SLC35F4: variants seen among roughly 807,000 people sequenced by gnomAD.
SLC35F4 encodes the protein solute carrier family 35 member F4, also known as chromosome 14 open reading frame 36.
A neutral mutation model predicts 44.2 loss-of-function variants in SLC35F4; 24 were observed. That is an observed-to-expected ratio of 0.54 (90% CI 0.39 to 0.76). The LOEUF (loss-of-function observed/expected upper bound fraction) is 0.76. SLC35F4 is among the 30% of genes least tolerant of loss of function. The pLI is 0.00. For synonymous variants in SLC35F4, 238 were observed against 223.6 expected (o/e 1.06, Z -0.57); for missense variants, 562 against 586.1 (o/e 0.96, Z 0.42).
chr14:57,769,602 T>A (rs1258667963), intron 1 of SLC35F4, among the ~76,000 whole-genome samples: 1 of 152,142 alleles, frequency 6.6e-6, no homozygotes, highest in African/African-American at 2.4e-5. Flanking sequence ...CTAGTAAAAA[T>A]TATCATCTCT....
At chr14:57,624,533 A>G (rs947972238) in intron 1 of SLC35F4, among the ~76,000 whole-genome samples, 2 of 152,206 alleles carry the variant, frequency 1.3e-5, no homozygotes, top group Non-Finnish European at 2.9e-5. Context: ...ATTCCTGATG[A>G]ACATTGATGT....
At chr14:57,781,375 C>T (rs2077616810) in intron 1 of SLC35F4, among the ~76,000 whole-genome samples, 1 of 152,104 alleles carries the variant, frequency 6.6e-6, no homozygotes, top group African/African-American at 2.4e-5. Flanking sequence ...TACCATCTCA[C>T]ACCACTAAAA....
At chr14:57,965,396 G>C (rs990974035) in intron 1 of SLC35F4, among the ~76,000 whole-genome samples, 2 of 152,064 alleles carry the variant, frequency 1.3e-5, no homozygotes, top group African/African-American at 4.8e-5. Flanking sequence ...CACCCACCCA[G>C]ATAACCCAGG....
In SLC35F4 at chr14:57,593,828, G is replaced by T; in HGVS notation, c.289+111C>A. On this transcript the variant is annotated intron_variant, in intron 2 of 7. Coordinates refer to ENST00000556826, the MANE Select transcript of SLC35F4 (RefSeq NM_001306087.2). ...CCGGCTTGATAAAGCTTCCCCACAT[G>T]TACTCATAAGAGTCCGTGTAACATC... is the stretch of plus-strand genomic sequence containing the variant. 7 of 1,171,504 alleles carry T rather than the reference G, an allele frequency of 6.0e-6. No individual in the cohort carries two copies. In the South Asian group the frequency reaches 1.1e-4, roughly 18 times the overall value. The allele number at this position is 1,171,504 out of a possible 1,614,324, so 72.6% of individuals were successfully genotyped here. A position where few individuals can be genotyped will look rare whatever the true frequency, so the allele number is the denominator to read the frequency against.
At chr14:57,701,530 G>T (rs1472694763) in intron 1 of SLC35F4, among the ~76,000 whole-genome samples, 1 of 152,064 alleles carries the variant, frequency 6.6e-6, no homozygotes, top group Non-Finnish European at 1.5e-5. Context: ...ACAGCTGGCG[G>T]CATAGTAGGT....
chr14:57,775,915 AC>A (rs1166834123), intron 1 of SLC35F4, among the ~76,000 whole-genome samples: 2 of 152,240 alleles, frequency 1.3e-5, no homozygotes, highest in African/African-American at 4.8e-5. Context: ...ATAAAATGAT[AC>A]AGAATCTTAC....
At chr14:57,585,332 G>T (rs34784901) in intron 3 of SLC35F4, among the ~76,000 whole-genome samples, 2 of 151,854 alleles carry the variant, frequency 1.3e-5, no homozygotes, top group Non-Finnish European at 1.5e-5. Flanking sequence ...TGGATGGAAC[G>T]TATCTATCTC....
At chr14:57,804,297 G>C (rs1881029453) in intron 1 of SLC35F4, among the ~76,000 whole-genome samples, 1 of 152,102 alleles carries the variant, frequency 6.6e-6, no homozygotes, top group African/African-American at 2.4e-5. Flanking sequence ...AACCAAAAAA[G>C]AGCCTGAATA....
chr14:57,712,686 A>G (rs2075843679), intron 1 of SLC35F4, among the ~76,000 whole-genome samples: 1 of 152,244 alleles, frequency 6.6e-6, no homozygotes, highest in African/African-American at 2.4e-5. Context: ...ATAGATTTTT[A>G]AAAGTAGAAA....
chr14:57,973,882 C>T (rs563350293), downstream of SLC35F4, among the ~76,000 whole-genome samples: 1 of 152,064 alleles, frequency 6.6e-6, no homozygotes, highest in East Asian at 1.9e-4. Flanking sequence ...GTATATACTC[C>T]CTGAAGCCCA....
chr14:57,884,590 C>T (rs1888608582), intron 1 of SLC35F4, among the ~76,000 whole-genome samples: 1 of 152,132 alleles, frequency 6.6e-6, no homozygotes, highest in African/African-American at 2.4e-5. Flanking sequence ...ATGTATTACA[C>T]ACCTCATGCC....
At chr14:57,566,606 T>C (rs745471951) in intron 6 of SLC35F4, 42 bp from the exon 7 acceptor site, 2 of 1,531,062 alleles carry the variant, frequency 1.3e-6, no homozygotes, top group South Asian at 2.4e-5. Flanking sequence ...AGAGAAATAA[T>C]ACGCTGGACT....
At chr14:57,979,220 A>G (rs1352365033) in intron 1 of SLC35F4, among the ~76,000 whole-genome samples, 1 of 152,168 alleles carries the variant, frequency 6.6e-6, no homozygotes, top group Non-Finnish European at 1.5e-5. Flanking sequence ...ATGACCTCTG[A>G]AAACAACCGC....
chr14:57,745,370 C>T (rs1176947207), intron 1 of SLC35F4, among the ~76,000 whole-genome samples: 2 of 152,158 alleles, frequency 1.3e-5, no homozygotes, highest in African/African-American at 4.8e-5. Flanking sequence ...CTACAAAGAA[C>T]TTAAACAAAC....
chr14:57,642,012 T>G (rs1463788448), intron 1 of SLC35F4, among the ~76,000 whole-genome samples: 4 of 152,034 alleles, frequency 2.6e-5, no homozygotes, highest in Non-Finnish European at 5.9e-5. Flanking sequence ...ATCCATTGCA[T>G]TAACACAAAT....
intron 4 of SLC35F4, among the ~76,000 whole-genome samples, chr14:57,573,401 T>C (rs1302432201): frequency 6.6e-6 from 1 of 152,156 alleles, no homozygotes; most frequent in East Asian, 1.9e-4. Context: ...GGCTGCTTGA[T>C]GGGAGGTGGT....
At chr14:57,739,253 C>A (rs1823839211) in intron 1 of SLC35F4, among the ~76,000 whole-genome samples, 1 of 152,214 alleles carries the variant, frequency 6.6e-6, no homozygotes, top group Admixed American at 6.5e-5. Flanking sequence ...CATTTCACCA[C>A]CATCCACCAG....
At chr14:57,647,218 G>A (rs2073568398) in intron 1 of SLC35F4, among the ~76,000 whole-genome samples, 1 of 150,666 alleles carries the variant, frequency 6.6e-6, no homozygotes, top group South Asian at 2.1e-4. Flanking sequence ...TGTTGACGGT[G>A]GGGTGTTAAA....
At chr14:57,622,144 C>A (rs1356688011) in intron 1 of SLC35F4, among the ~76,000 whole-genome samples, 3 of 93,594 alleles carry the variant, frequency 3.2e-5, no homozygotes, top group Non-Finnish European at 7.7e-5. Flanking sequence ...GTTAGAATGG[C>A]AATCATTAAA....
Sources: allele counts gnomAD v4.1 joint callset (sites outside exome capture counted in the v4.1 genomes callset), GRCh38; gene constraint gnomAD v4.1.1; transcripts MANE v1.5; gene names NCBI Gene and HGNC (gene_info 2026-07-23, HGNC 2026-07-21).